The following HUS1 variants were observed in gnomAD, a reference collection of about 807,000 sequenced individuals.
HUS1 encodes checkpoint protein HUS1.
In HUS1, 31 loss-of-function variants were observed where a neutral mutation model predicts 32.6. The ratio of observed to expected loss-of-function variants is 0.95; its 90% confidence interval spans 0.72 to 1.28. The LOEUF (loss-of-function observed/expected upper bound fraction) is 1.28. Ranked by LOEUF, HUS1 falls within the 50% of genes most tolerant of loss-of-function variation. HUS1 has a pLI of 0.00. For synonymous variants in HUS1, 123 were observed against 116.6 expected, an observed-to-expected ratio of 1.06 and a Z score of -0.36; for missense variants, 340 against 337.7, an observed-to-expected ratio of 1.01 and a Z score of -0.05.
At chr7:47,971,014 C>G (rs1788587779) in intron 5 of HUS1, among the ~76,000 whole-genome samples, 1 of 151,920 alleles carries the variant, frequency 6.6e-6, no homozygotes, top group African/African-American at 2.4e-5. Context: ...CCTTTAGAAC[C>G]AAAACTAAAC....
At chr7:47,973,208 T>C (rs1258744797) in intron 5 of HUS1, among the ~76,000 whole-genome samples, 2 of 152,218 alleles carry the variant, frequency 1.3e-5, no homozygotes, top group Non-Finnish European at 2.9e-5. Context: ...GTTTATAAAT[T>C]ACCTGGTCTC....
At chr7:47,977,665 G>A (rs1788733663) in intron 3 of HUS1, among the ~76,000 whole-genome samples, 1 of 152,206 alleles carries the variant, frequency 6.6e-6, no homozygotes, top group East Asian at 1.9e-4. Context: ...GCCGAGGTAG[G>A]TGGATCACTT....
chr7:47,965,461 T>A, intron 7 of HUS1, 23 bp from the exon 8 acceptor site: 1 of 1,525,620 alleles, frequency 6.6e-7, no homozygotes, highest in Non-Finnish European at 9.1e-7. Flanking sequence ...AAGCCATGAT[T>A]TTAGAGACCT....
intron 6 of HUS1, among the ~76,000 whole-genome samples, chr7:47,968,432 G>A (rs181212716): frequency 1.4e-3 from 212 of 152,334 alleles, no homozygotes; most frequent in African/African-American, 4.9e-3. Context: ...GCTGGAGCAG[G>A]ATGCTCTTAA....
intron 3 of HUS1, 89 bp from the exon 4 acceptor site, chr7:47,976,926 A>G (rs1481442611): frequency 5.0e-6 from 4 of 793,704 alleles, no homozygotes; most frequent in Non-Finnish European, 4.2e-6. Context: ...AAAAAAGTTG[A>G]AATACCAAAT....
At chr7:47,967,683 A>G (rs1009900393) in intron 7 of HUS1, 123 bp downstream of exon 7, 1 of 963,488 alleles carries the variant, frequency 1.0e-6, no homozygotes, top group Non-Finnish European at 1.5e-6. Flanking sequence ...TAAAGTCCAC[A>G]TAATTGAGCT....
At chr7:47,976,548 C>T (rs1788708220) in intron 4 of HUS1, 182 bp downstream of exon 4, 2 of 624,320 alleles carry the variant, frequency 3.2e-6, no homozygotes, top group Non-Finnish European at 5.9e-6. Context: ...GATGGCATGA[C>T]ATTTCTATCA....
At chr7:47,972,442 T>C (rs1788617670) in intron 5 of HUS1, among the ~76,000 whole-genome samples, 1 of 152,170 alleles carries the variant, frequency 6.6e-6, no homozygotes, top group Non-Finnish European at 1.5e-5. Context: ...CTTAAGTCAA[T>C]ACTTACTGAA....
intron 7 of HUS1, 98 bp downstream of exon 7, chr7:47,967,708 T>G: frequency 1.0e-6 from 1 of 989,888 alleles, no homozygotes; most frequent in Non-Finnish European, 1.4e-6. Context: ...TTTTTTTTTT[T>G]GGATTTATGA....
At chr7:47,970,644 A>G (rs1198786728) in intron 5 of HUS1, among the ~76,000 whole-genome samples, 1 of 152,216 alleles carries the variant, frequency 6.6e-6, no homozygotes, top group Non-Finnish European at 1.5e-5. Context: ...GTGAATGAAG[A>G]GTTCGGCCCA....
In HUS1 at chr7:47,967,898, T is replaced by C. The variant is rs759036115; in HGVS notation, c.668A>G (p.Asn223Ser). The change falls in exon 7 of 8, where the codon AAC (asparagine) becomes AGC (serine). Residue 223 changes from asparagine to serine, a missense_variant. Asn to Ser is a conservative substitution (Grantham distance 46). Coordinates refer to ENST00000258774, the MANE Select transcript of HUS1 (RefSeq NM_004507.4). Reference sequence around the variant, plus strand: ...GTGCACTTCAGCCATGTGTTCCACGTTTCTGTCCTCATGGGTGCTTTCAGA... The same window carrying C: ...GTGCACTTCAGCCATGTGTTCCACGCTTCTGTCCTCATGGGTGCTTTCAGA... ...LASESTHEDR[N>S]VEHMAEVHID... 3.7e-6 allele frequency: 6 copies of C among 1,613,732 alleles called. No homozygotes were observed. Among genetic ancestry groups the C allele is most frequent in the Non-Finnish European group, 5.1e-6 (6 of 1,179,836 alleles).
At chr7:47,967,572 G>A (rs1788504112) in intron 7 of HUS1, among the ~76,000 whole-genome samples, 1 of 152,134 alleles carries the variant, frequency 6.6e-6, no homozygotes, top group Non-Finnish European at 1.5e-5. Flanking sequence ...GTGGCTGCAG[G>A]TTTCAGGCCC....
At chr7:47,970,665 G>A (rs1425741989) in intron 5 of HUS1, among the ~76,000 whole-genome samples, 2 of 152,122 alleles carry the variant, frequency 1.3e-5, no homozygotes, top group Non-Finnish European at 2.9e-5. Flanking sequence ...CATATTGAAA[G>A]GACACACCAC....
chr7:47,978,285 T>A, intron 3 of HUS1, 132 bp downstream of exon 3: 6 of 757,506 alleles, frequency 7.9e-6, no homozygotes, highest in Non-Finnish European at 1.3e-5. Flanking sequence ...AATATAGTTA[T>A]GGACCAGATC....
In HUS1 at chr7:47,963,403, T is replaced by G. The variant is rs1788409998; in HGVS notation, c.*1953A>C. 1 of 152,224 alleles carries G rather than the reference T, an allele frequency of 6.6e-6. No homozygotes were observed. Among genetic ancestry groups the G allele is most frequent in the Admixed American group, 6.5e-5 (1 of 15,284 alleles). 9.4% of individuals were successfully genotyped at this position (152,224 alleles called of 1,614,324 possible). On this transcript the variant is annotated 3_prime_UTR_variant, in exon 8 of 8. Transcript: ENST00000258774. Reference sequence around the variant, plus strand: ...GATAATAAACATCACATAGAGCAAATGGTTAAGTCACTAACACATTCTCTT... The same window carrying G: ...GATAATAAACATCACATAGAGCAAAGGGTTAAGTCACTAACACATTCTCTT...
At chr7:47,965,653 A>G (rs2037484) in intron 7 of HUS1, among the ~76,000 whole-genome samples, 123,553 of 152,120 alleles carry the variant, frequency 0.81, 50,972 homozygotes, top group East Asian at 0.98. Context: ...AGGAGAGGAA[A>G]AGTGAAGCGG....
rs1264458856 is a variant in HUS1 at position 47,967,846 on chromosome 7, A to G, written c.720T>C (p.Phe240=). 1 of 1,614,046 alleles carries G rather than the reference A, an allele frequency of 6.2e-7. No homozygotes were observed. Among genetic ancestry groups the G allele is most frequent in the South Asian group, 1.1e-5 (1 of 91,056 alleles). The stretch of plus-strand genomic sequence containing the variant: ...TGGGATTTACTTGTTGTCCAGCAAG[A>G]AACTGTAGGAGCTTCCTAATATCTA... The part of the protein sequence containing the change: ...VHIDIRKLLQ[F]LAGQQVNPTK... The change falls in exon 7 of 8, where the codon TTT becomes TTC. Residue 240 remains phenylalanine, a synonymous_variant. Coordinates refer to ENST00000258774, the MANE Select transcript of HUS1 (RefSeq NM_004507.4).
At chr7:47,976,161 C>CT in intron 4 of HUS1, 1 of 352,658 alleles carries the variant, frequency 2.8e-6, no homozygotes, top group South Asian at 2.2e-5. Context: ...AAAACACAGG[C>CT]TTTTTCAAAA....
Position 47,978,157 on chromosome 7 carries a change from T to C in HUS1, c.357+260A>G, listed in dbSNP as rs1043380089. On this transcript the variant is annotated intron_variant, in intron 3 of 7. Transcript: ENST00000258774. ...CCATGATTTCTAGACAAGGTGACAA[T>C]ACCACTACAAGAAACAGAGAGGCTG... The C allele has an allele frequency of 1.3e-5, 5 of 380,544 alleles. No individual in the cohort carries two copies. In the Admixed American group the frequency reaches 1.7e-4, roughly 13 times the overall value. 23.6% of individuals were successfully genotyped at this position (380,544 alleles called of 1,614,324 possible).
Sources: allele counts gnomAD v4.1 joint callset (sites outside exome capture counted in the v4.1 genomes callset), GRCh38; gene constraint gnomAD v4.1.1; transcripts MANE v1.5; gene names NCBI Gene and HGNC (gene_info 2026-07-23, HGNC 2026-07-21).